Variants in TSHZ2 observed in about 807,000 individuals in gnomAD.
TSHZ2 encodes the protein teashirt zinc finger homeobox 2, also known as teashirt homolog 2.
A neutral mutation model predicts 74.4 loss-of-function variants in TSHZ2; 21 were observed. The ratio of observed to expected loss-of-function variants is 0.28; its 90% CI spans 0.20 to 0.41. The LOEUF (loss-of-function observed/expected upper bound fraction) is 0.41. TSHZ2 is among the 10% of genes least tolerant of loss of function. The probability of loss-of-function intolerance (pLI) is 1.00; values close to 1 mark genes in which losing one functional copy is unlikely to be tolerated. For synonymous variants in TSHZ2, 540 were observed against 515.3 expected (o/e 1.05, Z -0.65); for missense variants, 1,244 against 1,293.5 (o/e 0.96, Z 0.59).
At chr20:53,114,719 C>A (rs377015979) in intron 1 of TSHZ2, among the ~76,000 whole-genome samples, 1 of 152,138 alleles carries the variant, frequency 6.6e-6, no homozygotes, top group African/African-American at 2.4e-5. Context: ...TACACACAAC[C>A]CTAATTTCCA....
chr20:53,331,301 C>T (rs941207817), intron 2 of TSHZ2, among the ~76,000 whole-genome samples: 14 of 152,158 alleles, frequency 9.2e-5, no homozygotes, highest in African/African-American at 3.4e-4. Context: ...TAGTAACTAA[C>T]CAGGGAGAAG....
chr20:53,089,409 G>A (rs545749786), intron 1 of TSHZ2, among the ~76,000 whole-genome samples: 38 of 145,718 alleles, frequency 2.6e-4, no homozygotes, highest in South Asian at 6.5e-4. Flanking sequence ...ATTTTGCACC[G>A]TAATAGAAAG....
At chr20:53,361,110 C>G (rs1455365630) in intron 2 of TSHZ2, among the ~76,000 whole-genome samples, 1 of 152,162 alleles carries the variant, frequency 6.6e-6, no homozygotes, top group Non-Finnish European at 1.5e-5. Flanking sequence ...CTCACTGGCC[C>G]CATCCTCTCT....
At chr20:52,995,153 T>A (rs1383508877) in intron 1 of TSHZ2, among the ~76,000 whole-genome samples, 1 of 152,202 alleles carries the variant, frequency 6.6e-6, no homozygotes, top group Non-Finnish European at 1.5e-5. Context: ...TTTTCCAGCA[T>A]CTCAGTTCCT....
intron 1 of TSHZ2, among the ~76,000 whole-genome samples, chr20:53,085,585 C>T (rs552635059): frequency 2.2e-4 from 34 of 152,192 alleles, no homozygotes; most frequent in Middle Eastern, 3.4e-3. Flanking sequence ...ATGCCAGGCC[C>T]CTTGTCAATT....
chr20:53,469,877 A>T (rs1010874735), intron 2 of TSHZ2, among the ~76,000 whole-genome samples: 2 of 139,210 alleles, frequency 1.4e-5, no homozygotes, highest in Non-Finnish European at 3.1e-5. Flanking sequence ...CCCAAGAAAG[A>T]AAAAAAAGAG....
chr20:53,240,777 T>C (rs573759524), intron 1 of TSHZ2, among the ~76,000 whole-genome samples: 1 of 118,980 alleles, frequency 8.4e-6, no homozygotes, highest in African/African-American at 3.0e-5. Flanking sequence ...ATAGATATGG[T>C]TTTTTAGGGG....
chr20:53,058,164 G>A (rs1237247704), intron 1 of TSHZ2, among the ~76,000 whole-genome samples: 1 of 152,158 alleles, frequency 6.6e-6, no homozygotes, highest in Admixed American at 6.5e-5. Flanking sequence ...AGGAGGCTCA[G>A]CTCGGGCCAT....
At chr20:53,127,940 A>C (rs16997574) in intron 1 of TSHZ2, among the ~76,000 whole-genome samples, 14,483 of 152,092 alleles carry the variant, frequency 0.095, 2,006 homozygotes, top group African/African-American at 0.31. Context: ...TGTTCATGCT[A>C]ATGAGGGGAG....
At chr20:52,996,676 G>A (rs1199593832) in intron 1 of TSHZ2, among the ~76,000 whole-genome samples, 1 of 152,210 alleles carries the variant, frequency 6.6e-6, no homozygotes, top group African/African-American at 2.4e-5. Context: ...GAGCTTTAGA[G>A]AAGCCTTTTC....
chr20:53,053,788 A>G (rs769852357), intron 1 of TSHZ2, among the ~76,000 whole-genome samples: 6 of 152,178 alleles, frequency 3.9e-5, no homozygotes, highest in Admixed American at 3.3e-4. Flanking sequence ...TGCCAAAGTA[A>G]AAGTCTGCTC....
intron 1 of TSHZ2, among the ~76,000 whole-genome samples, chr20:53,226,547 T>C (rs1237562365): frequency 1.3e-5 from 2 of 152,122 alleles, no homozygotes; most frequent in African/African-American, 4.8e-5. Context: ...GAGTTTCACT[T>C]AGAAGCTCTT....
At chr20:53,486,219 C>T (rs1049672477) in intron 2 of TSHZ2, among the ~76,000 whole-genome samples, 1 of 152,068 alleles carries the variant, frequency 6.6e-6, no homozygotes, top group African/African-American at 2.4e-5. Flanking sequence ...TGTTGTAGAA[C>T]GTGTCAGAAT....
chr20:53,071,108 G>T (rs1293438), intron 1 of TSHZ2, among the ~76,000 whole-genome samples: 18,081 of 152,128 alleles, frequency 0.12, 1,461 homozygotes, highest in Middle Eastern at 0.19. Context: ...CCTCGAGTGA[G>T]AATTTTTTCT....
At chr20:53,138,391 GAAA>G (rs72157952) in intron 1 of TSHZ2, among the ~76,000 whole-genome samples, 1 of 98,130 alleles carries the variant, frequency 1.0e-5, no homozygotes, top group East Asian at 2.8e-4. Context: ...TCTCAAAAAA[GAAA>G]AAAAAAAAAA....
intron 2 of TSHZ2, among the ~76,000 whole-genome samples, chr20:53,470,752 G>A (rs976421141): frequency 6.6e-6 from 1 of 152,172 alleles, no homozygotes; most frequent in African/African-American, 2.4e-5. Context: ...GGCAGAGGTT[G>A]CAGTGAGCGG....
chr20:53,264,011 C>A (rs1016004843), intron 2 of TSHZ2, among the ~76,000 whole-genome samples: 7 of 152,178 alleles, frequency 4.6e-5, no homozygotes, highest in Non-Finnish European at 1.0e-4. Flanking sequence ...GAGTTGGTCA[C>A]CCTGCTCTCC....
intron 2 of TSHZ2, among the ~76,000 whole-genome samples, chr20:53,275,367 C>T (rs1990921155): frequency 1.3e-5 from 2 of 151,936 alleles, no homozygotes; most frequent in African/African-American, 2.4e-5. Context: ...TATTATGAGC[C>T]ATTTTCATAT....
At chr20:53,170,273 A>G (rs908303886) in intron 1 of TSHZ2, among the ~76,000 whole-genome samples, 35 of 152,382 alleles carry the variant, frequency 2.3e-4, no homozygotes, top group Middle Eastern at 6.8e-3. Flanking sequence ...AAATAAGCAA[A>G]TGAAATTGAC....
Sources: allele counts gnomAD v4.1 joint callset (sites outside exome capture counted in the v4.1 genomes callset), GRCh38; gene constraint gnomAD v4.1.1; transcripts MANE v1.5; gene names NCBI Gene and HGNC (gene_info 2026-07-23, HGNC 2026-07-21).